GRIA4: variants seen among roughly 807,000 people sequenced by gnomAD.
GRIA4 encodes the protein glutamate ionotropic receptor AMPA type subunit 4, also known as glutamate receptor 4.
GRIA4 carries 34 observed loss-of-function variants against 104.0 expected under a neutral mutation model. The ratio of observed to expected loss-of-function variants is 0.33; its 90% CI spans 0.25 to 0.44. GRIA4 has a LOEUF of 0.44. GRIA4 is among the 20% of genes least tolerant of loss of function. The pLI is 1.00. For synonymous variants in GRIA4, 386 were observed against 381.9 expected (o/e 1.01, Z -0.13); for missense variants, 750 against 1,096.5 (o/e 0.68, Z 4.46).
chr11:105,839,743 T>A (rs1459804804), intron 4 of GRIA4, among the ~76,000 whole-genome samples: 2 of 151,990 alleles, frequency 1.3e-5, no homozygotes, highest in Non-Finnish European at 2.9e-5. Flanking sequence ...AACCCCAAAT[T>A]ACACACCTAA....
intron 4 of GRIA4, among the ~76,000 whole-genome samples, chr11:105,840,450 A>C (rs971690002): frequency 6.6e-6 from 1 of 152,230 alleles, no homozygotes; most frequent in Non-Finnish European, 1.5e-5. Flanking sequence ...ATTTGACAGC[A>C]TAACTCATGG....
rs115909417 is a variant in GRIA4, at chr11:105,678,506, T to G, written c.247+66072T>G. On this transcript the variant is annotated intron_variant, in intron 3 of 16. Coordinates refer to ENST00000282499, the MANE Select transcript of GRIA4 (RefSeq NM_000829.4). ...CTATTCATAAGTGTTACCTCATGAA[T>G]GAAATACATTTTTTGACACTTCATG... Among the ~76,000 whole-genome samples the G allele has an allele frequency of 3.4e-3, 513 of 152,232 alleles. 4 individuals carry two copies. The highest frequency in any genetic ancestry group is 0.012 in the African/African-American group (490 of 41,582).
chr11:105,960,530 G>A (rs1948713253), intron 14 of GRIA4, among the ~76,000 whole-genome samples: 1 of 152,204 alleles, frequency 6.6e-6, no homozygotes, highest in African/African-American at 2.4e-5. Flanking sequence ...ATAGAAATGG[G>A]TGCTGCCCTT....
In GRIA4 at chr11:105,974,432, G is replaced by A. The variant is rs116838366; in HGVS notation, c.2532G>A (p.Ala844=). 865 of 1,613,950 alleles carry A rather than the reference G, an allele frequency of 5.4e-4. 1 individual carries two copies. Among genetic ancestry groups the A allele is most frequent in the Non-Finnish European group, 6.8e-4 (798 of 1,179,884 alleles). The change falls in exon 16 of 17, where the codon GCG becomes GCA. Residue 844 remains alanine (A), a synonymous_variant. Coordinates refer to ENST00000282499, the MANE Select transcript of GRIA4 (RefSeq NM_000829.4). ...TCTGTTACAAGTCCAGGGCAGAAGCGAAGAGAATGAAGGTGGCAAAGAGTG... is the reference window on the plus strand; with the variant it reads ...TCTGTTACAAGTCCAGGGCAGAAGCAAAGAGAATGAAGGTGGCAAAGAGTG... ...IEFCYKSRAE[A]KRMKLTFSEA...
At chr11:105,954,955 T>TAA (rs1948548356) in intron 14 of GRIA4, among the ~76,000 whole-genome samples, 1 of 149,448 alleles carries the variant, frequency 6.7e-6, no homozygotes, top group South Asian at 2.1e-4. Context: ...GTTATATATA[T>TAA]AATGCTATAT....
intron 4 of GRIA4, among the ~76,000 whole-genome samples, chr11:105,810,880 G>A (rs1943144483): frequency 6.6e-6 from 1 of 151,996 alleles, no homozygotes; most frequent in African/African-American, 2.4e-5. Context: ...ATTTTTATGA[G>A]AAAATGTAAT....
intron 3 of GRIA4, among the ~76,000 whole-genome samples, chr11:105,730,293 A>C (rs570494257): frequency 9.8e-5 from 15 of 152,304 alleles, no homozygotes; most frequent in Middle Eastern, 3.4e-3. Flanking sequence ...CTACAAAGAG[A>C]ATGAAATACC....
At chr11:105,894,652 G>A (rs896524066) in intron 6 of GRIA4, among the ~76,000 whole-genome samples, 2 of 152,044 alleles carry the variant, frequency 1.3e-5, no homozygotes, top group Non-Finnish European at 2.9e-5. Flanking sequence ...AAAAGGAGGA[G>A]GAGGAGGAGG....
chr11:105,948,279 C>T (rs1948368107), intron 14 of GRIA4, among the ~76,000 whole-genome samples: 1 of 152,120 alleles, frequency 6.6e-6, no homozygotes, highest in Non-Finnish European at 1.5e-5. Context: ...AAATACTGAC[C>T]TCCTGCTAAG....
intron 10 of GRIA4, chr11:105,912,492 T>C: frequency 1.3e-6 from 1 of 769,946 alleles, no homozygotes; most frequent in Non-Finnish European, 1.6e-6. Context: ...AAAAAAAGAC[T>C]AAAAATGACT....
intron 4 of GRIA4, among the ~76,000 whole-genome samples, chr11:105,806,082 T>C (rs1942941691): frequency 6.6e-6 from 1 of 151,962 alleles, no homozygotes; most frequent in Non-Finnish European, 1.5e-5. Context: ...CCAGTAAGTG[T>C]AAGCTTTTGT....
intron 10 of GRIA4, 86 bp from the exon 11 acceptor site, chr11:105,918,626 T>C (rs1947474217): frequency 1.5e-6 from 1 of 686,546 alleles, no homozygotes; most frequent in East Asian, 2.7e-5. Flanking sequence ...TACAATCTTT[T>C]GTCAAATTCT....
At chr11:105,920,711 G>A (rs892481505) in intron 11 of GRIA4, among the ~76,000 whole-genome samples, 14 of 152,246 alleles carry the variant, frequency 9.2e-5, no homozygotes, top group Admixed American at 3.3e-4. Context: ...AAGTTATGCA[G>A]TTCTCAAAGA....
chr11:105,650,721 T>G (rs1226127747), intron 3 of GRIA4, among the ~76,000 whole-genome samples: 1 of 152,108 alleles, frequency 6.6e-6, no homozygotes, highest in African/African-American at 2.4e-5. Flanking sequence ...GCAAAGGAAC[T>G]GGATTTTTTT....
chr11:105,712,681 TTTG>T (rs1236579584), intron 3 of GRIA4, among the ~76,000 whole-genome samples: 3 of 149,546 alleles, frequency 2.0e-5, no homozygotes, highest in African/African-American at 7.4e-5. Flanking sequence ...GGTGTTTTGT[TTTG>T]TTTTGTTTTT....
chr11:105,680,931 C>A (rs1952690480), intron 3 of GRIA4, among the ~76,000 whole-genome samples: 1 of 152,170 alleles, frequency 6.6e-6, no homozygotes, highest in Non-Finnish European at 1.5e-5. Flanking sequence ...ATTACAACAT[C>A]CTCCATACAG....
chr11:105,979,897 A>T lies in GRIA4; in HGVS notation c.*158A>T. The T allele has an allele frequency of 3.7e-6, 2 of 544,854 alleles. No homozygotes were observed. The highest frequency in any genetic ancestry group is 5.8e-5 in the East Asian group (2 of 34,772). 33.8% of individuals were successfully genotyped at this position (544,854 alleles called of 1,614,324 possible). A position where few individuals can be genotyped will look rare whatever the true frequency, so the allele number is the denominator to read the frequency against. Reference sequence around the variant, plus strand: ...CGCTGGCCGGACATCAGCAGCAGCAACGTGTGCATGAGCTCAGCTCGGAAA... The same window carrying T: ...CGCTGGCCGGACATCAGCAGCAGCATCGTGTGCATGAGCTCAGCTCGGAAA... On this transcript the variant is annotated 3_prime_UTR_variant, in exon 17 of 17. Transcript: ENST00000282499.
rs201579665 is a variant in GRIA4 at position 105,735,218 on chromosome 11, GA to G, written c.248-17754del. On this transcript the variant is annotated intron_variant, in intron 3 of 16. Coordinates refer to ENST00000282499, the MANE Select transcript of GRIA4 (RefSeq NM_000829.4). ...ACCATGAAATCAGTAAACATTATCAGAAAAAAAAAGAAAGAAAATCATGTTG... is the reference window on the plus strand; with the variant it reads ...ACCATGAAATCAGTAAACATTATCAGAAAAAAAAGAAAGAAAATCATGTTG... Among the ~76,000 whole-genome samples, 48 of 149,128 alleles carry G rather than the reference GA, an allele frequency of 3.2e-4. No individual in the cohort carries two copies. The East Asian group carries it at 9.0e-3, about 28-fold the overall frequency.
At chr11:105,912,914 A>C (rs1378590836) in intron 10 of GRIA4, 1 of 979,366 alleles carries the variant, frequency 1.0e-6, no homozygotes, top group Admixed American at 6.2e-5. Flanking sequence ...GGAATTGGCT[A>C]GACATTTTAA....
Sources: gnomAD v4.1 joint callset for allele counts (sites outside exome capture counted in the v4.1 genomes callset) on GRCh38, gnomAD v4.1.1 for gene constraint, MANE v1.5 for transcripts, NCBI Gene and HGNC (gene_info 2026-07-23, HGNC 2026-07-21) for gene names.